The following CEP112 variants were observed in gnomAD, a reference collection of about 807,000 sequenced individuals.
The protein encoded by CEP112 is centrosomal protein of 112 kDa.
In CEP112, 127 loss-of-function variants were observed where a neutral mutation model predicts 153.0. The observed-to-expected ratio is 0.83, with a 90% CI of 0.72 to 0.96. CEP112 has a LOEUF of 0.96. Ranked by LOEUF, CEP112 falls within the 40% of genes least tolerant of loss-of-function variation. The pLI is 0.00. For synonymous variants in CEP112, 358 were observed against 374.4 expected, an observed-to-expected ratio of 0.96 and a Z score of 0.51; for missense variants, 1,089 against 1,101.2, an observed-to-expected ratio of 0.99 and a Z score of 0.16.
At chr17:65,649,977 T>A (rs1459864027) in intron 24 of CEP112, among the ~76,000 whole-genome samples, 1 of 152,160 alleles carries the variant, frequency 6.6e-6, no homozygotes, top group African/African-American at 2.4e-5. Context: ...AGATCAAAAT[T>A]AATATCCTGT....
chr17:65,833,165 T>G (rs1258535462), intron 21 of CEP112, among the ~76,000 whole-genome samples: 1 of 152,174 alleles, frequency 6.6e-6, no homozygotes, highest in Non-Finnish European at 1.5e-5. Context: ...CACCCCTTCA[T>G]GTTAAAAACT....
chr17:65,736,913 C>G (rs1458057163), intron 23 of CEP112, among the ~76,000 whole-genome samples: 1 of 152,162 alleles, frequency 6.6e-6, no homozygotes, highest in Non-Finnish European at 1.5e-5. Context: ...TGAATCTGAT[C>G]TAAAGCCTGG....
At chr17:66,018,963 T>G (rs1482556563) in intron 16 of CEP112, among the ~76,000 whole-genome samples, 3 of 152,196 alleles carry the variant, frequency 2.0e-5, no homozygotes, top group Admixed American at 6.5e-5. Context: ...GTCAAATCAT[T>G]TAGTCTAACC....
chr17:66,001,279 C>T (rs542401694), intron 17 of CEP112, among the ~76,000 whole-genome samples: 1 of 152,256 alleles, frequency 6.6e-6, no homozygotes, highest in Admixed American at 6.5e-5. Flanking sequence ...CTATTCATGT[C>T]CTTTGCCCAC....
At chr17:65,886,827 T>C (rs1247049395) in intron 20 of CEP112, among the ~76,000 whole-genome samples, 1 of 152,090 alleles carries the variant, frequency 6.6e-6, no homozygotes, top group Non-Finnish European at 1.5e-5. Context: ...CGGGCTGCCA[T>C]AGGGTTCAGA....
In CEP112 at chr17:65,857,839, T is replaced by A. The variant is rs1294747821; in HGVS notation, c.2164-5805A>T. Among the ~76,000 whole-genome samples the A allele has an allele frequency of 2.0e-5, 3 of 152,334 alleles. No homozygotes were observed. In the South Asian group the frequency reaches 6.2e-4, roughly 32 times the overall value. On this transcript the variant is annotated intron_variant, in intron 20 of 26. Coordinates refer to ENST00000535342, the MANE Select transcript of CEP112 (RefSeq NM_001199165.4). ...AGATGAGTTATTTGTTTCTTAAATA[T>A]TTAGTGGAACTGGCCAGTAGGGCCA...
rs3074178 is a variant in CEP112, at chr17:65,704,420, TACACACACACACACAC to T, written c.2608-15218_2608-15203del. Among the ~76,000 whole-genome samples, 13 of 147,798 alleles carry T rather than the reference TACACACACACACACAC, an allele frequency of 8.8e-5. No homozygotes were observed. The South Asian group carries it at 2.0e-3, about 22-fold the overall frequency. ...ATTTTCTCTTGTAAAACGTGTAAAA[TACACACACACACACAC>T]ACACACACACACACACACAAACATT... is the stretch of plus-strand genomic sequence containing the variant. On this transcript the variant is annotated intron_variant, in intron 23 of 26. Transcript: ENST00000535342.
intron 24 of CEP112, chr17:65,644,383 G>A: frequency 3.6e-6 from 2 of 556,382 alleles, no homozygotes; most frequent in Non-Finnish European, 6.7e-6. Flanking sequence ...CATTTTCCAG[G>A]GTCTTCTGAA....
At chr17:65,767,152 T>C (rs2053034118) in intron 21 of CEP112, among the ~76,000 whole-genome samples, 1 of 152,098 alleles carries the variant, frequency 6.6e-6, no homozygotes, top group Non-Finnish European at 1.5e-5. Context: ...AAAACAAGTC[T>C]TAAATTTAAG....
intron 4 of CEP112, among the ~76,000 whole-genome samples, chr17:66,152,126 A>G (rs1367300543): frequency 1.3e-5 from 2 of 152,144 alleles, no homozygotes; most frequent in African/African-American, 4.8e-5. Flanking sequence ...AAAGTAAAGT[A>G]CAGCCTAAGA....
chr17:66,087,375 C>T (rs2067978233), intron 8 of CEP112, among the ~76,000 whole-genome samples: 1 of 151,750 alleles, frequency 6.6e-6, no homozygotes, highest in South Asian at 2.1e-4. Context: ...AGAATTAATA[C>T]AAAATAAAAT....
At chr17:65,976,620 T>C (rs1209342182) in intron 17 of CEP112, among the ~76,000 whole-genome samples, 1 of 152,106 alleles carries the variant, frequency 6.6e-6, no homozygotes, top group African/African-American at 2.4e-5. Flanking sequence ...AGGGGTGAGA[T>C]ATTAAAGTTC....
intron 12 of CEP112, among the ~76,000 whole-genome samples, chr17:66,052,675 A>G (rs1032248974): frequency 2.0e-5 from 3 of 152,168 alleles, no homozygotes; most frequent in African/African-American, 7.2e-5. Context: ...TTCCCGAGTT[A>G]ATATGATCTA....
At chr17:65,933,751 T>C (rs1330526068) in intron 18 of CEP112, among the ~76,000 whole-genome samples, 2 of 152,158 alleles carry the variant, frequency 1.3e-5, no homozygotes, top group African/African-American at 2.4e-5. Context: ...ATAAAACATA[T>C]GAAAGTAAAA....
At chr17:65,850,252 A>G (rs2057881656) in intron 21 of CEP112, among the ~76,000 whole-genome samples, 1 of 151,478 alleles carries the variant, frequency 6.6e-6, no homozygotes, top group African/African-American at 2.4e-5. Context: ...TGAGGGAATT[A>G]TCACTAACAT....
chr17:65,798,869 G>C (rs562514809), intron 21 of CEP112, among the ~76,000 whole-genome samples: 11 of 152,210 alleles, frequency 7.2e-5, no homozygotes, highest in African/African-American at 2.6e-4. Flanking sequence ...AATGCATTAG[G>C]AACCAGAATT....
intron 21 of CEP112, among the ~76,000 whole-genome samples, chr17:65,805,913 C>T (rs957361459): frequency 6.6e-6 from 1 of 152,122 alleles, no homozygotes; most frequent in Non-Finnish European, 1.5e-5. Flanking sequence ...AAATGTTTAC[C>T]AGTTCTGTAT....
At chr17:66,033,897 T>C (rs1287179906) in intron 12 of CEP112, among the ~76,000 whole-genome samples, 4 of 152,230 alleles carry the variant, frequency 2.6e-5, no homozygotes. Context: ...ACAGCTGACC[T>C]TGAATGATAT....
chr17:66,113,638 C>G (rs1156581493), intron 6 of CEP112, among the ~76,000 whole-genome samples: 6 of 152,174 alleles, frequency 3.9e-5, no homozygotes, highest in Admixed American at 2.0e-4. Context: ...AAGTTAAAGA[C>G]TCATTCTAGC....
Sources: allele counts gnomAD v4.1 joint callset (sites outside exome capture counted in the v4.1 genomes callset), GRCh38; gene constraint gnomAD v4.1.1; transcripts MANE v1.5; gene names NCBI Gene and HGNC (gene_info 2026-07-23, HGNC 2026-07-21).